Variants in DDX10 observed in about 807,000 individuals in gnomAD.
DDX10 encodes DEAD-box helicase 10, also known as probable ATP-dependent RNA helicase DDX10.
In DDX10, 74 loss-of-function variants were observed where a neutral mutation model predicts 104.3. The ratio of observed to expected loss-of-function variants is 0.71; its 90% confidence interval spans 0.59 to 0.86. The LOEUF is 0.86. DDX10 is among the 40% of genes least tolerant of loss of function. The pLI, the probability that DDX10 is intolerant of heterozygous loss-of-function variation, is 0.00. For synonymous variants in DDX10, 351 were observed against 353.4 expected (o/e 0.99, Z 0.08); for missense variants, 952 against 1,040.0 (o/e 0.92, Z 1.16).
At chr11:108,878,535 A>G (rs1863182840) in intron 16 of DDX10, among the ~76,000 whole-genome samples, 1 of 152,222 alleles carries the variant, frequency 6.6e-6, no homozygotes, top group South Asian at 2.1e-4. Flanking sequence ...TTGAAATTAA[A>G]TTATGATTAT....
chr11:108,671,103 A>G (rs1322269587), intron 1 of DDX10, among the ~76,000 whole-genome samples: 4 of 152,212 alleles, frequency 2.6e-5, no homozygotes, highest in Non-Finnish European at 5.9e-5. Flanking sequence ...TTGTAGACTG[A>G]GTATGAGTAT....
At chr11:108,851,263 T>G (rs1243228802) in intron 15 of DDX10, among the ~76,000 whole-genome samples, 1 of 152,140 alleles carries the variant, frequency 6.6e-6, no homozygotes, top group Non-Finnish European at 1.5e-5. Context: ...TACAAATACA[T>G]GTATCCACAA....
At chr11:108,669,465 A>G (rs1330600510) in intron 1 of DDX10, among the ~76,000 whole-genome samples, 1 of 152,156 alleles carries the variant, frequency 6.6e-6, no homozygotes, top group Non-Finnish European at 1.5e-5. Flanking sequence ...TGGAGGGAAC[A>G]TGGGGAAATA....
chr11:108,922,283 AAGAAAGC>A (rs1256250348), intron 17 of DDX10: 5 of 150,928 alleles, frequency 3.3e-5, no homozygotes, highest in South Asian at 4.2e-4. Context: ...AGAGAGAGAG[AAGAAAGC>A]GAAGAAAGCA....
chr11:108,858,527 G>A (rs1319360974), intron 16 of DDX10, among the ~76,000 whole-genome samples: 3 of 152,134 alleles, frequency 2.0e-5, no homozygotes, highest in African/African-American at 7.2e-5. Context: ...TGCCAGACTG[G>A]ATGTATCTAA....
intron 9 of DDX10, among the ~76,000 whole-genome samples, chr11:108,697,509 A>G (rs1422512297): frequency 6.6e-6 from 1 of 152,176 alleles, no homozygotes; most frequent in African/African-American, 2.4e-5. Context: ...TTTTAGCTAA[A>G]AAAGTGATTT....
intron 16 of DDX10, among the ~76,000 whole-genome samples, chr11:108,871,785 G>A (rs1036114053): frequency 6.6e-5 from 10 of 152,232 alleles, no homozygotes; most frequent in Middle Eastern, 3.4e-3. Flanking sequence ...AAAACTAGCC[G>A]GGAGTGGTGT....
chr11:108,729,552 CAAG>C (rs1290661230), intron 13 of DDX10, among the ~76,000 whole-genome samples: 2 of 151,982 alleles, frequency 1.3e-5, no homozygotes, highest in African/African-American at 4.8e-5. Context: ...AAAAACAAAA[CAAG>C]GAAGAACAAA....
intron 13 of DDX10, among the ~76,000 whole-genome samples, chr11:108,756,668 C>G (rs906281287): frequency 6.6e-6 from 1 of 151,964 alleles, no homozygotes; most frequent in Admixed American, 6.6e-5. Flanking sequence ...TATAATTTTC[C>G]GCAGATTTTA....
intron 1 of DDX10, among the ~76,000 whole-genome samples, chr11:108,672,887 C>G (rs545669403): frequency 1.3e-5 from 2 of 152,234 alleles, no homozygotes; most frequent in African/African-American, 4.8e-5. Context: ...CAAAGCATGA[C>G]AGACATTTCC....
At chr11:108,731,788 T>G (rs2094312618) in intron 13 of DDX10, among the ~76,000 whole-genome samples, 1 of 152,194 alleles carries the variant, frequency 6.6e-6, no homozygotes, top group African/African-American at 2.4e-5. Context: ...TTTTTTCCTT[T>G]ATTACCTATT....
intron 13 of DDX10, among the ~76,000 whole-genome samples, chr11:108,755,180 CA>C (rs2094343047): frequency 6.6e-6 from 1 of 151,976 alleles, no homozygotes; most frequent in Admixed American, 6.6e-5. Flanking sequence ...ATGAGAGCCA[CA>C]AAGAGAGAAC....
chr11:108,881,012 T>G (rs145754431), intron 16 of DDX10, among the ~76,000 whole-genome samples: 1 of 152,358 alleles, frequency 6.6e-6, no homozygotes, highest in East Asian at 1.9e-4. Context: ...TGCATCTTTT[T>G]GCTTTCTCTG....
intron 16 of DDX10, among the ~76,000 whole-genome samples, chr11:108,909,050 G>A (rs1239285445): frequency 1.3e-5 from 2 of 152,144 alleles, no homozygotes; most frequent in South Asian, 2.1e-4. Context: ...TTTTACTTAA[G>A]AAGTCACCTT....
At position 108,665,450 on chromosome 11, in the gene DDX10, G is replaced by A. The variant is rs77634644; in HGVS notation, c.186+111G>A. ...GCGGATCTGTCACCGGGACCCGGCC[G>A]GGAATGAGAGGTCACGCCGGGTGCC... is the stretch of plus-strand genomic sequence containing the variant. On this transcript the variant is annotated intron_variant, in intron 1 of 17. Transcript: ENST00000322536. 2,680 of 1,259,372 alleles carry A rather than the reference G, an allele frequency of 2.1e-3. 44 individuals are homozygous for A. In the African/African-American group the frequency reaches 0.036, roughly 17 times the overall value. The allele number at this position is 1,259,372 out of a possible 1,614,324, so 78.0% of individuals were successfully genotyped here. A position where few individuals can be genotyped will look rare whatever the true frequency, so the allele number is the denominator to read the frequency against.
At chr11:108,812,296 T>C (rs1038865472) in intron 13 of DDX10, among the ~76,000 whole-genome samples, 1 of 152,216 alleles carries the variant, frequency 6.6e-6, no homozygotes, top group African/African-American at 2.4e-5. Context: ...TGAAATAAGC[T>C]TAATTTTTGC....
intron 9 of DDX10, among the ~76,000 whole-genome samples, chr11:108,702,858 A>G (rs1280017646): frequency 1.3e-5 from 2 of 152,148 alleles, no homozygotes; most frequent in African/African-American, 4.8e-5. Context: ...TTTTAGGCCA[A>G]CCTCTTGGGC....
At chr11:108,694,623 G>A (rs1290480037) in intron 9 of DDX10, among the ~76,000 whole-genome samples, 1 of 152,202 alleles carries the variant, frequency 6.6e-6, no homozygotes, top group African/African-American at 2.4e-5. Flanking sequence ...GCTCATGCCT[G>A]TAATCCCAGC....
At chr11:108,764,589 A>C (rs1475957064) in intron 13 of DDX10, among the ~76,000 whole-genome samples, 1 of 152,146 alleles carries the variant, frequency 6.6e-6, no homozygotes, top group Non-Finnish European at 1.5e-5. Context: ...GAATTGCTTG[A>C]ACCCAGGAGG....
Sources: gnomAD v4.1 joint callset for allele counts (sites outside exome capture counted in the v4.1 genomes callset) on GRCh38, gnomAD v4.1.1 for gene constraint, MANE v1.5 for transcripts, NCBI Gene and HGNC (gene_info 2026-07-23, HGNC 2026-07-21) for gene names.